Variants in TOP6BL observed in about 807,000 individuals in gnomAD.
TOP6BL encodes the protein TOP6B like initiator of meiotic double strand breaks, also known as type 2 DNA topoisomerase 6 subunit B-like.
the TOP6BL span, among the ~76,000 whole-genome samples, chr11:66,780,628 G>A: frequency 2.6e-4 from 39 of 151,984 alleles, no homozygotes; most frequent in East Asian, 4.6e-3. Flanking sequence ...CACCCAGGCC[G>A]GAGTGCAGTG....
the TOP6BL span, among the ~76,000 whole-genome samples, chr11:66,769,637 G>A: frequency 6.6e-6 from 1 of 152,100 alleles, no homozygotes; most frequent in African/African-American, 2.4e-5. Flanking sequence ...AGTATTTGGA[G>A]ATGGGGCCTT....
At chr11:66,843,223 C>T in the TOP6BL span, 1 of 1,610,152 alleles carries the variant, frequency 6.2e-7, no homozygotes, top group Non-Finnish European at 8.5e-7. Flanking sequence ...GAGTCCCAGC[C>T]CTGGGCCCTG....
chr11:66,816,277 A>T, the TOP6BL span: 2 of 1,391,418 alleles, frequency 1.4e-6, no homozygotes, highest in Non-Finnish European at 9.6e-7. Flanking sequence ...TAATGCACAC[A>T]TCTAAATTAG....
At chr11:66,753,131 A>G in the TOP6BL span, among the ~76,000 whole-genome samples, 3 of 151,812 alleles carry the variant, frequency 2.0e-5, no homozygotes, top group Admixed American at 6.6e-5. Context: ...TCCGTCTCCA[A>G]AAAAAAATAT....
chr11:66,755,775 G>A, the TOP6BL span, among the ~76,000 whole-genome samples: 4 of 152,184 alleles, frequency 2.6e-5, no homozygotes, highest in African/African-American at 9.7e-5. Flanking sequence ...CTCTCTCCTA[G>A]CTTCTGGTGA....
chr11:66,745,029 G>A, the TOP6BL span: 4 of 1,116,978 alleles, frequency 3.6e-6, no homozygotes, highest in East Asian at 9.7e-5. Flanking sequence ...AGGTGAAGGA[G>A]GAAGGTTCGG....
At chr11:66,748,517 A>G in the TOP6BL span, 28 of 1,525,284 alleles carry the variant, frequency 1.8e-5, no homozygotes, top group East Asian at 3.7e-4. Flanking sequence ...TGTAACAACT[A>G]GTAAGTAGAG....
At chr11:66,769,343 A>T in the TOP6BL span, among the ~76,000 whole-genome samples, 1 of 152,316 alleles carries the variant, frequency 6.6e-6, no homozygotes, top group East Asian at 1.9e-4. Flanking sequence ...TGACATTTAA[A>T]GCACAAGCAA....
the TOP6BL span, chr11:66,744,927 T>C: frequency 8.0e-7 from 1 of 1,252,894 alleles, no homozygotes; most frequent in Non-Finnish European, 1.0e-6. Flanking sequence ...GAGGTGATGC[T>C]GGGAAGGGAG....
At chr11:66,804,012 C>T in the TOP6BL span, 2 of 1,602,720 alleles carry the variant, frequency 1.2e-6, no homozygotes, top group Non-Finnish European at 1.7e-6. Flanking sequence ...AATTTTGGTA[C>T]AATTGAATCA....
At chr11:66,801,353 C>T in the TOP6BL span, among the ~76,000 whole-genome samples, 2 of 152,278 alleles carry the variant, frequency 1.3e-5, no homozygotes, top group African/African-American at 4.8e-5. Flanking sequence ...TTTACACAGA[C>T]CCTGCTAGTT....
chr11:66,747,150 T>C, the TOP6BL span, among the ~76,000 whole-genome samples: 1 of 151,986 alleles, frequency 6.6e-6, no homozygotes, highest in African/African-American at 2.4e-5. Flanking sequence ...TTGGCCAGGC[T>C]GATCTTGAAC....
the TOP6BL span, among the ~76,000 whole-genome samples, chr11:66,745,142 A>G: frequency 5.9e-5 from 9 of 152,014 alleles, no homozygotes; most frequent in Non-Finnish European, 1.2e-4. Flanking sequence ...TCTCCAGCCT[A>G]CGGCTCAGAA....
At chr11:66,780,008 T>G in the TOP6BL span, among the ~76,000 whole-genome samples, 4 of 66,030 alleles carry the variant, frequency 6.1e-5, no homozygotes, top group East Asian at 5.2e-4. Context: ...CAGGGCCTGT[T>G]GTGGGGTGGG....
chr11:66,746,137 G>C, the TOP6BL span, among the ~76,000 whole-genome samples: 1 of 152,150 alleles, frequency 6.6e-6, no homozygotes, highest in Non-Finnish European at 1.5e-5. Flanking sequence ...CAGAGGACGT[G>C]TGAAGGAATA....
At chr11:66,780,000 G>A in the TOP6BL span, among the ~76,000 whole-genome samples, 1 of 135,376 alleles carries the variant, frequency 7.4e-6, no homozygotes, top group Non-Finnish European at 1.6e-5. Flanking sequence ...TCACACACCA[G>A]GGCCTGTTGT....
At chr11:66,791,165 T>C in the TOP6BL span, among the ~76,000 whole-genome samples, 2 of 152,144 alleles carry the variant, frequency 1.3e-5, no homozygotes, top group South Asian at 2.1e-4. Context: ...AGAGACTCCA[T>C]GGAAAAGCTA....
the TOP6BL span, chr11:66,843,487 TG>T: frequency 6.8e-7 from 1 of 1,475,078 alleles, no homozygotes; most frequent in Non-Finnish European, 8.9e-7. Context: ...GGGCTGCGAC[TG>T]CTGTCGGTGT....
chr11:66,773,216 C>T, the TOP6BL span, among the ~76,000 whole-genome samples: 4 of 151,930 alleles, frequency 2.6e-5, no homozygotes, highest in Non-Finnish European at 5.9e-5. Context: ...TGCACCACCA[C>T]ACCTGGTTTG....
Sources: allele counts gnomAD v4.1 joint callset (sites outside exome capture counted in the v4.1 genomes callset), GRCh38; gene constraint gnomAD v4.1.1; transcripts MANE v1.5; gene names NCBI Gene and HGNC (gene_info 2026-07-23, HGNC 2026-07-21).